The following GADL1 variants were observed in gnomAD, a reference collection of about 807,000 sequenced individuals.
The protein encoded by GADL1 is GAD like acidic amino acid decarboxylase 1, also known as acidic amino acid decarboxylase GADL1.
In GADL1, 71 loss-of-function variants were observed where a neutral mutation model predicts 69.5. That is an observed-to-expected ratio of 1.02 (90% confidence interval 0.84 to 1.25). The LOEUF is 1.25. Among genes scored for constraint, GADL1 ranks in the 50% most tolerant of loss-of-function variants. The pLI is 0.00. For missense variants in GADL1, 737 were observed against 631.8 expected, an observed-to-expected ratio of 1.17 and a Z score of -1.79; for synonymous variants, 254 against 214.4, an observed-to-expected ratio of 1.18 and a Z score of -1.62.
chr3:30,808,870 G>C (rs903557416), intron 11 of GADL1, among the ~76,000 whole-genome samples: 12 of 152,170 alleles, frequency 7.9e-5, no homozygotes, highest in Non-Finnish European at 1.6e-4. Flanking sequence ...AATGAGAGCA[G>C]GTCATCAAAA....
At chr3:30,883,878 T>C (rs1698673476) in intron 1 of GADL1, among the ~76,000 whole-genome samples, 1 of 152,002 alleles carries the variant, frequency 6.6e-6, no homozygotes, top group Non-Finnish European at 1.5e-5. Context: ...TTTGTTACTA[T>C]TTTTTATGCT....
chr3:30,886,838 A>G (rs1212108226), intron 1 of GADL1, among the ~76,000 whole-genome samples: 1 of 152,226 alleles, frequency 6.6e-6, no homozygotes. Context: ...AAAACCACAG[A>G]CAATGGAGTT....
chr3:30,772,948 A>C (rs1696448126), intron 14 of GADL1, among the ~76,000 whole-genome samples: 1 of 152,134 alleles, frequency 6.6e-6, no homozygotes, highest in South Asian at 2.1e-4. Flanking sequence ...AGCCTATTGA[A>C]GATCACTAGG....
intron 1 of GADL1, among the ~76,000 whole-genome samples, chr3:30,864,104 A>G (rs941998411): frequency 1.3e-5 from 2 of 152,008 alleles, no homozygotes; most frequent in Non-Finnish European, 2.9e-5. Context: ...GAGCTTTTAG[A>G]TGGAAATGCT....
intron 14 of GADL1, among the ~76,000 whole-genome samples, chr3:30,741,248 C>T (rs1695622453): frequency 6.8e-6 from 1 of 146,590 alleles, no homozygotes; most frequent in South Asian, 2.1e-4. Flanking sequence ...TATACTTAAG[C>T]TCTCTCTGCC....
intron 14 of GADL1, among the ~76,000 whole-genome samples, chr3:30,762,532 G>A (rs1696163239): frequency 6.6e-6 from 1 of 152,100 alleles, no homozygotes. Context: ...GGGTACATAA[G>A]ATGTTTTGAT....
chr3:30,845,685 T>C (rs968504219), intron 6 of GADL1, among the ~76,000 whole-genome samples: 1 of 152,208 alleles, frequency 6.6e-6, no homozygotes, highest in Non-Finnish European at 1.5e-5. Context: ...AAAGACCATA[T>C]GCATATTGAA....
intron 11 of GADL1, among the ~76,000 whole-genome samples, chr3:30,801,540 C>G (rs1311760880): frequency 6.6e-6 from 1 of 152,006 alleles, no homozygotes; most frequent in Non-Finnish European, 1.5e-5. Context: ...AAGGCTAGAC[C>G]CAACATAACT....
intron 14 of GADL1, among the ~76,000 whole-genome samples, chr3:30,748,723 AAATAT>A (rs1312407418): frequency 6.6e-6 from 1 of 152,230 alleles, no homozygotes; most frequent in African/African-American, 2.4e-5. Context: ...AACATTCAAT[AAATAT>A]AATATTGTTC....
At chr3:30,855,622 C>T (rs1698217856) in intron 3 of GADL1, among the ~76,000 whole-genome samples, 1 of 151,976 alleles carries the variant, frequency 6.6e-6, no homozygotes, top group African/African-American at 2.4e-5. Flanking sequence ...TTCCCCCCTC[C>T]TATAAAAGGT....
intron 11 of GADL1, among the ~76,000 whole-genome samples, chr3:30,815,587 C>A (rs924034019): frequency 2.6e-5 from 4 of 152,072 alleles, no homozygotes; most frequent in East Asian, 1.9e-4. Context: ...TGAGAAAAAC[C>A]TATAGGCAAG....
chr3:30,749,076 A>C (rs1695757834), intron 14 of GADL1, among the ~76,000 whole-genome samples: 1 of 152,144 alleles, frequency 6.6e-6, no homozygotes, highest in Admixed American at 6.5e-5. Context: ...CCCTAGTCTG[A>C]CTTTCAGGAA....
At chr3:30,797,692 T>A (rs1040106927) in intron 12 of GADL1, 1 of 150,718 alleles carries the variant, frequency 6.6e-6, no homozygotes, top group Non-Finnish European at 1.5e-5. Context: ...TTTTTTAAAC[T>A]GTAAGAAATG....
intron 14 of GADL1, among the ~76,000 whole-genome samples, chr3:30,738,577 T>C (rs1016219267): frequency 6.6e-6 from 1 of 152,202 alleles, no homozygotes; most frequent in African/African-American, 2.4e-5. Context: ...ATGTTCATGT[T>C]GTTTTCCAAG....
At chr3:30,734,824 C>T (rs1245519776) in intron 14 of GADL1, among the ~76,000 whole-genome samples, 1 of 152,144 alleles carries the variant, frequency 6.6e-6, no homozygotes, top group Non-Finnish European at 1.5e-5. Context: ...TGTCCATAGC[C>T]ATAAACTGCA....
At chr3:30,874,926 G>T (rs1698556738) in intron 1 of GADL1, among the ~76,000 whole-genome samples, 1 of 151,864 alleles carries the variant, frequency 6.6e-6, no homozygotes, top group African/African-American at 2.4e-5. Context: ...ATTGCTTCGG[G>T]GTAATTCTGG....
chr3:30,766,249 C>CAG (rs925290470), intron 14 of GADL1, among the ~76,000 whole-genome samples: 1 of 152,066 alleles, frequency 6.6e-6, no homozygotes, highest in Middle Eastern at 3.2e-3. Flanking sequence ...GGGATGAAAG[C>CAG]AGAGAGAAAA....
rs534609689 is a variant in GADL1, at chr3:30,871,885, C to A, written c.38-10120G>T. Among the ~76,000 whole-genome samples, 58 of 150,564 alleles carry A rather than the reference C, an allele frequency of 3.9e-4. 2 individuals carry two copies. Among genetic ancestry groups the A allele is most frequent in the African/African-American group, 1.3e-3 (54 of 40,160 alleles). Reference sequence around the variant, plus strand: ...CAATAAATACATAGTACATCATAAACCCTGCTTATTTTAATTTCAGTAATG... The same window carrying A: ...CAATAAATACATAGTACATCATAAAACCTGCTTATTTTAATTTCAGTAATG... On this transcript the variant is annotated intron_variant, in intron 1 of 14. Transcript: ENST00000282538.
At chr3:30,770,720 C>A (rs1362550214) in intron 14 of GADL1, among the ~76,000 whole-genome samples, 1 of 152,150 alleles carries the variant, frequency 6.6e-6, no homozygotes, top group Non-Finnish European at 1.5e-5. Context: ...CCTCAGCCTG[C>A]AGAAATGCCA....
Sources: gnomAD v4.1 joint callset for allele counts (sites outside exome capture counted in the v4.1 genomes callset) on GRCh38, gnomAD v4.1.1 for gene constraint, MANE v1.5 for transcripts, NCBI Gene and HGNC (gene_info 2026-07-23, HGNC 2026-07-21) for gene names.